KHDRBS2: variants seen among roughly 807,000 people sequenced by gnomAD.
KHDRBS2 encodes the protein KH RNA binding domain containing, signal transduction associated 2.
In KHDRBS2, 26 loss-of-function variants were observed where a neutral mutation model predicts 44.3. The observed-to-expected ratio is 0.59, with a 90% CI of 0.43 to 0.81. The LOEUF (loss-of-function observed/expected upper bound fraction) is 0.81, where lower values mean the gene tolerates loss of function less well. KHDRBS2 is among the 40% of genes least tolerant of loss of function. The pLI is 0.00. For missense variants in KHDRBS2, 476 were observed against 433.1 expected (o/e 1.10, Z -0.88); for synonymous variants, 194 against 151.1 (o/e 1.28, Z -2.08).
At chr6:62,118,570 T>C in intron 2 of KHDRBS2, among the ~76,000 whole-genome samples, 1 of 152,176 alleles carries the variant, frequency 6.6e-6, no homozygotes, top group East Asian at 1.9e-4. Flanking sequence ...CAAAATATTG[T>C]TTCCGGGGGT....
chr6:61,996,561 T>C (rs1294645279), intron 3 of KHDRBS2, among the ~76,000 whole-genome samples: 2 of 152,154 alleles, frequency 1.3e-5, no homozygotes, highest in Non-Finnish European at 2.9e-5. Context: ...TATCAAGGAA[T>C]GGTTAGTAGA....
the KHDRBS2 span, among the ~76,000 whole-genome samples, chr6:61,554,634 C>T: frequency 1.9e-4 from 29 of 152,164 alleles, no homozygotes; most frequent in African/African-American, 6.0e-4. Flanking sequence ...GTGTTTTTGT[C>T]GTGGCTTGTA....
At chr6:61,597,903 GTTT>G in the KHDRBS2 span, among the ~76,000 whole-genome samples, 2 of 132,978 alleles carry the variant, frequency 1.5e-5, no homozygotes, top group East Asian at 4.6e-4. Flanking sequence ...AAACATAGAG[GTTT>G]TTTTTGTGTT....
At chr6:61,872,654 C>T (rs1480962658) in intron 6 of KHDRBS2, among the ~76,000 whole-genome samples, 1 of 151,924 alleles carries the variant, frequency 6.6e-6, no homozygotes, top group African/African-American at 2.4e-5. Flanking sequence ...ACAAATAACT[C>T]GATATCATAA....
At chr6:61,648,305 A>C in the KHDRBS2 span, among the ~76,000 whole-genome samples, 1 of 152,046 alleles carries the variant, frequency 6.6e-6, no homozygotes, top group Admixed American at 6.6e-5. Context: ...TGAGTTCAAT[A>C]TCCTAATGTC....
chr6:61,957,232 T>C (rs1376615059), intron 4 of KHDRBS2, among the ~76,000 whole-genome samples: 1 of 152,100 alleles, frequency 6.6e-6, no homozygotes, highest in East Asian at 1.9e-4. Context: ...CAGGACCCTG[T>C]GATGGTTGCG....
chr6:61,631,254 C>T, the KHDRBS2 span, among the ~76,000 whole-genome samples: 1 of 133,684 alleles, frequency 7.5e-6, no homozygotes, highest in African/African-American at 2.7e-5. Flanking sequence ...AAATAGTTTC[C>T]TTCTGCCCTA....
At chr6:61,791,377 T>G (rs1322710423) in intron 6 of KHDRBS2, among the ~76,000 whole-genome samples, 2 of 151,498 alleles carry the variant, frequency 1.3e-5, no homozygotes, top group Non-Finnish European at 1.5e-5. Context: ...GTGCTAAGTT[T>G]ATGTCCAAGT....
At chr6:61,862,711 A>G (rs1473378740) in intron 6 of KHDRBS2, among the ~76,000 whole-genome samples, 1 of 152,102 alleles carries the variant, frequency 6.6e-6, no homozygotes, top group Non-Finnish European at 1.5e-5. Flanking sequence ...ATACCGCTGA[A>G]TTCAGTTTGC....
chr6:62,054,483 C>T (rs1789812009), intron 2 of KHDRBS2, among the ~76,000 whole-genome samples: 1 of 152,006 alleles, frequency 6.6e-6, no homozygotes, highest in Admixed American at 6.6e-5. Context: ...AAATATGTTA[C>T]TCTACATAAG....
At chr6:62,157,653 TTA>T (rs1163118565) in intron 2 of KHDRBS2, among the ~76,000 whole-genome samples, 2 of 152,184 alleles carry the variant, frequency 1.3e-5, no homozygotes, top group Non-Finnish European at 2.9e-5. Context: ...AATAGCATGT[TTA>T]TATAATTTTT....
At chr6:62,142,542 A>G (rs569955561) in intron 2 of KHDRBS2, among the ~76,000 whole-genome samples, 2 of 152,058 alleles carry the variant, frequency 1.3e-5, no homozygotes, top group African/African-American at 4.8e-5. Context: ...CAATGTAATT[A>G]TTCTTAAGTA....
rs187527062 is a variant in KHDRBS2 at position 61,776,710 on chromosome 6, C to A, written c.811-43946G>T. ...TGGTGGGACTGTAAACTACTTCAAC[C>A]ATCGTGGAAGTCAGTGTGGCGATTT... is the stretch of plus-strand genomic sequence containing the variant. On this transcript the variant is annotated intron_variant, in intron 6 of 8. Coordinates refer to ENST00000281156, the MANE Select transcript of KHDRBS2 (RefSeq NM_152688.4). Among the ~76,000 whole-genome samples, 287 of 152,240 alleles carry A rather than the reference C, an allele frequency of 1.9e-3. 1 individual carries two copies. Among genetic ancestry groups the A allele is most frequent in the Non-Finnish European group, 9.0e-4 (61 of 68,008 alleles).
In KHDRBS2 at chr6:61,955,546, A is replaced by ATATG. The variant is rs1409672162; in HGVS notation, c.483+22516_483+22519dup. ...TATGTATACATGTGTATATATACAC[A>ATATG]TATGTATGTATACATGTGTATATAT... On this transcript the variant is annotated intron_variant, in intron 4 of 8. Transcript: ENST00000281156. 5.2e-3 allele frequency among the ~76,000 whole-genome samples: 120 copies of ATATG among 22,986 alleles called. 25 individuals carry two copies. The highest frequency in any genetic ancestry group is 0.012 in the African/African-American group (100 of 8,634). The allele number at this position is 22,986 out of a possible 152,430, so 15.1% of individuals were successfully genotyped here.
At chr6:61,546,638 G>A in the KHDRBS2 span, among the ~76,000 whole-genome samples, 1 of 152,066 alleles carries the variant, frequency 6.6e-6, no homozygotes, top group East Asian at 1.9e-4. Context: ...AAACAAGTAA[G>A]ATAATTATTT....
the KHDRBS2 span, among the ~76,000 whole-genome samples, chr6:61,597,139 G>A: frequency 2.6e-5 from 4 of 152,166 alleles, no homozygotes; most frequent in East Asian, 1.9e-4. Context: ...TTATGTAAAC[G>A]TTTAAGTCAA....
chr6:62,042,956 A>C (rs1035662005), intron 3 of KHDRBS2, among the ~76,000 whole-genome samples: 5 of 152,130 alleles, frequency 3.3e-5, no homozygotes, highest in Admixed American at 6.6e-5. Context: ...GCTTATTAAC[A>C]GAAATGCCAA....
the KHDRBS2 span, among the ~76,000 whole-genome samples, chr6:61,566,777 C>T: frequency 3.3e-5 from 5 of 151,948 alleles, no homozygotes; most frequent in African/African-American, 1.2e-4. Context: ...ATCTAAGGGC[C>T]ACAGATCCAA....
intron 3 of KHDRBS2, among the ~76,000 whole-genome samples, chr6:62,005,457 G>T (rs1016896194): frequency 1.3e-5 from 2 of 151,754 alleles, no homozygotes; most frequent in African/African-American, 4.8e-5. Flanking sequence ...TTTAATAATA[G>T]AAAAGATTAG....
Sources: gnomAD v4.1 joint callset for allele counts (sites outside exome capture counted in the v4.1 genomes callset) on GRCh38, gnomAD v4.1.1 for gene constraint, MANE v1.5 for transcripts, NCBI Gene and HGNC (gene_info 2026-07-23, HGNC 2026-07-21) for gene names.